Variants in ZNF524 observed in about 807,000 individuals in gnomAD.
The protein encoded by ZNF524 is zinc finger protein 524.
For synonymous variants in ZNF524, 194 were observed against 166.3 expected (o/e 1.17, Z -1.28); for missense variants, 388 against 380.1 (o/e 1.02, Z -0.17).
chr19:55,601,036 C>T (rs1017723340), intron 1 of ZNF524: 2 of 152,264 alleles, frequency 1.3e-5, no homozygotes, highest in African/African-American at 4.8e-5. Flanking sequence ...ATTCGATTCT[C>T]CTGACAACCC....
At chr19:55,600,547 G>C (rs1272727162) in intron 1 of ZNF524, 139 bp downstream of exon 1, 2 of 150,948 alleles carry the variant, frequency 1.3e-5, no homozygotes, top group East Asian at 4.0e-4. Context: ...GGGCGCGCGC[G>C]CGCAGACCCC....
At position 55,602,921 on chromosome 19, in the gene ZNF524, C is replaced by T; in HGVS notation, c.*14C>T. 6.5e-7 allele frequency: 1 copy of T among 1,534,970 alleles called. No homozygotes were observed. Among genetic ancestry groups the T allele is most frequent in the Non-Finnish European group, 8.8e-7 (1 of 1,137,118 alleles). On this transcript the variant is annotated 3_prime_UTR_variant, in exon 2 of 2. Transcript: ENST00000301073. ...GAGCCGGCCTGACCCACACCCCCGG[C>T]CATCGCTCCCTGGGCCAGGTTTAGA... is the stretch of plus-strand genomic sequence containing the variant.
At chr19:55,599,934 T>G (rs1157260721), upstream of ZNF524, 1 of 152,240 alleles carries the variant, frequency 6.6e-6, no homozygotes, top group East Asian at 1.9e-4. Context: ...GGCACCATCT[T>G]ATCCACTTAG....
At position 55,602,281 on chromosome 19, in the gene ZNF524, C is replaced by T. The variant is rs1168176071; in HGVS notation, c.169C>T (p.Pro57Ser). Residue 57 changes from proline to serine, a missense_variant, in exon 2 of 2, where the codon CCC becomes TCC. Coordinates refer to ENST00000301073, the MANE Select transcript of ZNF524 (RefSeq NM_153219.4). Reference sequence around the variant, plus strand: ...CTCCCTCCCTCGCAAGCGGGGCCGCCCCCCCAAGTCAGGGCAGGAGCCCCC... The same window carrying T: ...CTCCCTCCCTCGCAAGCGGGGCCGCTCCCCCAAGTCAGGGCAGGAGCCCCC... ...KASLPRKRGR[P>S]PKSGQEPPLV... 6 of 1,590,574 alleles carry T rather than the reference C, an allele frequency of 3.8e-6. No individual in the cohort carries two copies. The highest frequency in any genetic ancestry group is 5.1e-6 in the Non-Finnish European group (6 of 1,168,718).
intron 1 of ZNF524, 186 bp downstream of exon 1, chr19:55,600,594 C>G (rs907743185): frequency 6.6e-6 from 1 of 151,770 alleles, no homozygotes; most frequent in African/African-American, 2.4e-5. Flanking sequence ...TACCCGGCGC[C>G]GCTCATTGGC....
chr19:55,599,996 G>A (rs1234280686), upstream of ZNF524: 1 of 152,216 alleles, frequency 6.6e-6, no homozygotes, highest in Non-Finnish European at 1.5e-5. Context: ...ACGGGCACTG[G>A]GCAGCCATTT....
In ZNF524 at chr19:55,602,132, ACCCGTTGCCTTCG is replaced by A; in HGVS notation, c.23_35del (p.Pro8LeufsTer61). ...TGCTCAATGGACACCCCCAGCCCAGACCCGTTGCCTTCGCCTTTGCCCGGGGAGGAAGAGAAAC... is the reference window on the plus strand; with the variant it reads ...TGCTCAATGGACACCCCCAGCCCAGACCTTTGCCCGGGGAGGAAGAGAAAC... On this transcript the variant is annotated frameshift_variant, in exon 2 of 2. Coordinates refer to ENST00000301073, the MANE Select transcript of ZNF524 (RefSeq NM_153219.4). LOFTEE classifies it low-confidence loss of function (END_TRUNC). 6.4e-7 allele frequency: 1 copy of A among 1,550,856 alleles called. No individual in the cohort carries two copies. Among genetic ancestry groups the A allele is most frequent in the Non-Finnish European group, 8.7e-7 (1 of 1,147,620 alleles).
Position 55,602,972 on chromosome 19 carries a change from C to T in ZNF524, c.*65C>T, listed in dbSNP as rs988547432. The T allele has an allele frequency of 6.9e-7, 1 of 1,458,502 alleles. No individual in the cohort carries two copies. Among genetic ancestry groups the T allele is most frequent in the Non-Finnish European group, 9.1e-7 (1 of 1,098,170 alleles). The allele number at this position is 1,458,502 out of a possible 1,614,324, so 90.3% of individuals were successfully genotyped here. On this transcript the variant is annotated 3_prime_UTR_variant, in exon 2 of 2. Transcript: ENST00000301073. ...GCAGGGAGTTTGGCTGGTGCTGGGC[C>T]TGAGCCAGGGGGCCGGGACACCCTT...
Position 55,602,791 on chromosome 19 carries a change from G to A in ZNF524, c.679G>A (p.Val227Ile), listed in dbSNP as rs763143753. The A allele has an allele frequency of 6.2e-7, 1 of 1,611,126 alleles. No homozygotes were observed. The highest frequency in any genetic ancestry group is 8.5e-7 in the Non-Finnish European group (1 of 1,179,774). Residue 227 changes from valine (V) to isoleucine (I), a missense_variant, in exon 2 of 2, where the codon GTA becomes ATA. By Grantham distance (29) the Val-to-Ile change is conservative (BLOSUM62 3). Coordinates refer to ENST00000301073, the MANE Select transcript of ZNF524 (RefSeq NM_153219.4). ...GCGCAAGCACCCGGAGGCCATGGGG[G>A]TACCCCTGTGTGCACCAGATCCAGG... ...AKRKHPEAMGVPLCAPDPGSE... is the reference protein window; with the variant it reads ...AKRKHPEAMGIPLCAPDPGSE...
upstream of ZNF524, chr19:55,599,930 A>G (rs919042027): frequency 1.3e-5 from 2 of 152,166 alleles, no homozygotes; most frequent in African/African-American, 4.8e-5. Flanking sequence ...GACCGGCACC[A>G]TCTTATCCAC....
chr19:55,602,120 C>A lies in ZNF524; in HGVS notation c.8C>A (p.Thr3Asn). 6.5e-7 allele frequency: 1 copy of A among 1,536,106 alleles called. No individual in the cohort carries two copies. Residue 3 changes from threonine (T) to asparagine (N), a missense_variant, in exon 2 of 2, where the codon ACC becomes AAC. Thr to Asn is a moderately conservative substitution (Grantham distance 65). Transcript: ENST00000301073. Reference protein sequence around the residue: MDTPSPDPLPSPL... With the variant: MDNPSPDPLPSPL... ...CAAGCCCCCCACTGCTCAATGGACA[C>A]CCCCAGCCCAGACCCGTTGCCTTCG...
chr19:55,602,631 G>T lies in ZNF524; in HGVS notation c.519G>T (p.Pro173=), dbSNP rs1980752337. 1 of 1,581,128 alleles carries T rather than the reference G, an allele frequency of 6.3e-7. No individual in the cohort carries two copies. Residue 173 remains proline (P), a synonymous_variant, in exon 2 of 2, where the codon CCG becomes CCT. Coordinates refer to ENST00000301073, the MANE Select transcript of ZNF524 (RefSeq NM_153219.4). ...IHAGLRPFRC[P]LCPRRFREAG... is the part of the protein sequence containing the mutation. ...CCGGCCTGCGGCCCTTCCGCTGCCC[G>T]CTGTGCCCCCGCCGCTTCCGCGAGG...
At position 55,603,083 on chromosome 19, in the gene ZNF524, C is replaced by T. The variant is rs1980787437; in HGVS notation, c.*176C>T. The T allele has an allele frequency of 1.4e-6, 1 of 695,330 alleles. No homozygotes were observed. 43.1% of individuals were successfully genotyped at this position (695,330 alleles called of 1,614,324 possible). On this transcript the variant is annotated 3_prime_UTR_variant, in exon 2 of 2. Transcript: ENST00000301073. Reference sequence around the variant, plus strand: ...CCAGCTGCCTTCAGCCCCCCTCCCCCAGACTAACAGACCCTTGGAGGCAGG... The same window carrying T: ...CCAGCTGCCTTCAGCCCCCCTCCCCTAGACTAACAGACCCTTGGAGGCAGG...
chr19:55,599,735 A>C (rs560428143), upstream of ZNF524: 5 of 152,394 alleles, frequency 3.3e-5, no homozygotes, highest in Admixed American at 3.3e-4. Flanking sequence ...GGCGCCATAC[A>C]GACTAAGGGC....
At chr19:55,601,158 G>T (rs1478538799) in intron 1 of ZNF524, 2 of 152,178 alleles carry the variant, frequency 1.3e-5, no homozygotes, top group Non-Finnish European at 2.9e-5. Context: ...TCCTCCTTGG[G>T]TTTATTTGTT....
rs1980785312 is a variant in ZNF524 at position 55,603,044 on chromosome 19, C to G, written c.*137C>G. The stretch of plus-strand genomic sequence containing the variant: ...GTGGGAGCAGGTGGAGGGTGGAGAC[C>G]TAAACTTTGGGGTCCAGCTGCCTTC... On this transcript the variant is annotated 3_prime_UTR_variant, in exon 2 of 2. Coordinates refer to ENST00000301073, the MANE Select transcript of ZNF524 (RefSeq NM_153219.4). 8.8e-7 allele frequency: 1 copy of G among 1,136,260 alleles called. No individual in the cohort carries two copies. Among genetic ancestry groups the G allele is most frequent in the South Asian group, 1.7e-5 (1 of 60,448 alleles). 70.4% of individuals were successfully genotyped at this position (1,136,260 alleles called of 1,614,324 possible). A position where few individuals can be genotyped will look rare whatever the true frequency, so the allele number is the denominator to read the frequency against.
In ZNF524 at chr19:55,602,309, TGGTGCA is replaced by T. The variant is rs780655100; in HGVS notation, c.206_211del (p.Val69_Gln70del). 1.3e-6 allele frequency: 2 copies of T among 1,579,874 alleles called. No individual in the cohort carries two copies. Among genetic ancestry groups the T allele is most frequent in the Non-Finnish European group, 1.7e-6 (2 of 1,163,244 alleles). On this transcript the variant is annotated inframe_deletion, in exon 2 of 2. Coordinates refer to ENST00000301073, the MANE Select transcript of ZNF524 (RefSeq NM_153219.4). Reference sequence around the variant, plus strand: ...CCCAAGTCAGGGCAGGAGCCCCCACTGGTGCAGGTGCAGGGGGTGACAGCCCCAGTA... The same window carrying T: ...CCCAAGTCAGGGCAGGAGCCCCCACTGGTGCAGGGGGTGACAGCCCCAGTA...
rs925661964 is a variant in ZNF524 at position 55,602,748 on chromosome 19, G to A, written c.636G>A (p.Thr212=). ...ICRLRFTEAN[T]LRRHAKRKHP... is the part of the protein sequence containing the mutation. The stretch of plus-strand genomic sequence containing the variant: ...GGCTGCGCTTTACAGAGGCCAACAC[G>A]CTCCGGCGCCATGCGAAGCGCAAGC... Residue 212 remains threonine (T), a synonymous_variant, in exon 2 of 2, where the codon ACG becomes ACA. Coordinates refer to ENST00000301073, the MANE Select transcript of ZNF524 (RefSeq NM_153219.4). 6.2e-7 allele frequency: 1 copy of A among 1,608,398 alleles called. No individual in the cohort carries two copies. The highest frequency in any genetic ancestry group is 8.5e-7 in the Non-Finnish European group (1 of 1,179,814).
At chr19:55,601,575 C>T (rs10403342) in intron 1 of ZNF524, 15,903 of 152,346 alleles carry the variant, frequency 0.1, 958 homozygotes, top group East Asian at 0.27. Context: ...TATGTTTCCT[C>T]ATCCAGGAAT....
Sources: gnomAD v4.1 joint callset for allele counts on GRCh38, gnomAD v4.1.1 for gene constraint, MANE v1.5 for transcripts, NCBI Gene and HGNC (gene_info 2026-07-23, HGNC 2026-07-21) for gene names.